ADAM9: variants seen among roughly 807,000 people sequenced by gnomAD.
ADAM9 encodes ADAM metallopeptidase domain 9.
A neutral mutation model predicts 108.1 loss-of-function variants in ADAM9; 54 were observed. The ratio of observed to expected loss-of-function variants is 0.50; its 90% CI spans 0.40 to 0.63. The LOEUF (loss-of-function observed/expected upper bound fraction) is 0.63. Ranked by LOEUF, ADAM9 falls within the 20% of genes least tolerant of loss-of-function variation. The pLI is 0.00. For missense variants in ADAM9, 830 were observed against 997.7 expected, an observed-to-expected ratio of 0.83 and a Z score of 2.26; for synonymous variants, 316 against 336.0, an observed-to-expected ratio of 0.94 and a Z score of 0.65.
chr8:39,003,147 A>T (rs957004659), intron 1 of ADAM9, among the ~76,000 whole-genome samples: 4 of 152,248 alleles, frequency 2.6e-5, no homozygotes, highest in Non-Finnish European at 5.9e-5. Flanking sequence ...TTTCAAAATG[A>T]GAATTGTGTT....
intron 9 of ADAM9, among the ~76,000 whole-genome samples, chr8:39,024,517 G>A (rs1836858974): frequency 6.6e-6 from 1 of 152,188 alleles, no homozygotes; most frequent in Admixed American, 6.5e-5. Flanking sequence ...TTGAGTCCAT[G>A]AGTGCATTTT....
At chr8:39,054,602 G>GAAA (rs755442483) in intron 13 of ADAM9, 29 bp downstream of exon 13, 3,434 of 941,796 alleles carry the variant, frequency 3.6e-3, no homozygotes, top group East Asian at 7.2e-3. Flanking sequence ...TTGGAAACAG[G>GAAA]AAAAAAAAAA....
chr8:39,051,927 A>G (rs1258459590), intron 12 of ADAM9, among the ~76,000 whole-genome samples: 3 of 152,206 alleles, frequency 2.0e-5, no homozygotes, highest in African/African-American at 7.2e-5. Context: ...ATGTGTATAT[A>G]TACAAACATA....
At chr8:39,082,931 C>T in intron 17 of ADAM9, 37 bp from the exon 18 acceptor site, 1 of 1,558,694 alleles carries the variant, frequency 6.4e-7, no homozygotes, top group Non-Finnish European at 8.8e-7. Flanking sequence ...GAGCAACATT[C>T]ACAATTAACA....
intron 1 of ADAM9, 51 bp downstream of exon 1, chr8:38,997,211 G>A (rs1434352329): frequency 6.5e-7 from 1 of 1,549,204 alleles, no homozygotes; most frequent in Admixed American, 1.9e-5. Context: ...CTAGGGACGG[G>A]GCGCTCGGAG....
rs181909260 is a variant in ADAM9 at position 39,052,532 on chromosome 8, A to G, written c.1303-1949A>G. Among the ~76,000 whole-genome samples, 111 of 151,700 alleles carry G rather than the reference A, an allele frequency of 7.3e-4. 2 individuals are homozygous for G. Among genetic ancestry groups the G allele is most frequent in the Non-Finnish European group, 2.2e-4 (15 of 67,962 alleles). On this transcript the variant is annotated intron_variant, in intron 12 of 21. Coordinates refer to ENST00000487273, the MANE Select transcript of ADAM9 (RefSeq NM_003816.3). The stretch of plus-strand genomic sequence containing the variant: ...TCTTGACCTGGTTTTTAGTATTCCT[A>G]TATATAGATCATCATCATAGCCCCT...
intron 10 of ADAM9, 139 bp from the exon 11 acceptor site, chr8:39,026,538 C>A: frequency 9.7e-7 from 1 of 1,034,916 alleles, no homozygotes; most frequent in Non-Finnish European, 1.5e-6. Flanking sequence ...TGTATAAAGA[C>A]TGTTGTTGGA....
chr8:39,038,433 G>C (rs563951834), intron 11 of ADAM9, among the ~76,000 whole-genome samples: 2 of 152,088 alleles, frequency 1.3e-5, no homozygotes, highest in East Asian at 1.9e-4. Flanking sequence ...TGATTGAACT[G>C]TCACATATTT....
chr8:39,064,934 C>G (rs181581443), intron 14 of ADAM9, among the ~76,000 whole-genome samples: 49 of 152,242 alleles, frequency 3.2e-4, no homozygotes, highest in African/African-American at 8.9e-4. Context: ...CCTAGCTTTT[C>G]CCTCACCCCC....
Position 39,071,319 on chromosome 8 carries a change from A to G in ADAM9, c.1613A>G (p.Asp538Gly). ...FGSKAKAAPK[D>G]CFIEVNSKGD... is the part of the protein sequence containing the mutation. ...ACAGAAGCCAAGGCTGCCCCCAAAG[A>G]TTGTTTCATTGAAGTGAATTCTAAA... The change falls in exon 15 of 22, where the codon GAT becomes GGT. Residue 538 changes from aspartate (D) to glycine (G), a missense_variant. Physicochemically the swap from Asp to Gly is moderately conservative, Grantham distance 94. Coordinates refer to ENST00000487273, the MANE Select transcript of ADAM9 (RefSeq NM_003816.3). 1 of 1,614,046 alleles carries G rather than the reference A, an allele frequency of 6.2e-7. No homozygotes were observed. The highest frequency in any genetic ancestry group is 8.5e-7 in the Non-Finnish European group (1 of 1,179,994).
At chr8:39,067,886 A>T (rs1838537860) in intron 14 of ADAM9, among the ~76,000 whole-genome samples, 1 of 152,180 alleles carries the variant, frequency 6.6e-6, no homozygotes, top group South Asian at 2.1e-4. Flanking sequence ...TGGGTTTGTC[A>T]TAAATGGCTC....
chr8:39,005,421 A>G (rs1836130691), intron 1 of ADAM9, among the ~76,000 whole-genome samples: 1 of 152,250 alleles, frequency 6.6e-6, no homozygotes, highest in Non-Finnish European at 1.5e-5. Context: ...AATATATTTC[A>G]TGACAGTATA....
chr8:39,023,350 A>G (rs371134665), intron 9 of ADAM9, 25 bp downstream of exon 9: 1 of 1,584,100 alleles, frequency 6.3e-7, no homozygotes, highest in Non-Finnish European at 8.6e-7. Flanking sequence ...TTTAAGTACT[A>G]TTAATGAAAT....
At chr8:39,050,830 G>GTTTTTTTTTTTTTTTTTTTTTT in intron 12 of ADAM9, among the ~76,000 whole-genome samples, 1 of 85,190 alleles carries the variant, frequency 1.2e-5, no homozygotes, top group Non-Finnish European at 2.2e-5. Context: ...GCTTGGAAGT[G>GTTTTTTTTTTTTTTTTTTTTTT]TTTTTTTTTT....
intron 14 of ADAM9, among the ~76,000 whole-genome samples, chr8:39,066,130 T>G (rs112392635): frequency 0.017 from 2,518 of 152,314 alleles, 34 homozygotes; most frequent in South Asian, 0.038. Flanking sequence ...ATGTGCCACG[T>G]TTTCTTAATC....
intron 15 of ADAM9, among the ~76,000 whole-genome samples, chr8:39,072,676 T>TAC (rs1838734420): frequency 6.6e-6 from 1 of 152,220 alleles, no homozygotes; most frequent in African/African-American, 2.4e-5. Context: ...TTTCCCCCTC[T>TAC]CAGCCTGCTC....
intron 15 of ADAM9, among the ~76,000 whole-genome samples, chr8:39,073,458 G>A (rs1838760075): frequency 6.6e-6 from 1 of 152,148 alleles, no homozygotes; most frequent in South Asian, 2.1e-4. Flanking sequence ...TGAAGTATTT[G>A]TCAGTTTCAT....
chr8:39,055,991 T>C (rs1349958974), intron 14 of ADAM9, among the ~76,000 whole-genome samples: 3 of 152,160 alleles, frequency 2.0e-5, no homozygotes, highest in African/African-American at 7.2e-5. Flanking sequence ...TTATATTTTG[T>C]GTATCACGCA....
chr8:39,071,876 G>T (rs1255879390), intron 15 of ADAM9, among the ~76,000 whole-genome samples: 2 of 152,154 alleles, frequency 1.3e-5, no homozygotes, highest in African/African-American at 4.8e-5. Flanking sequence ...TCTGGTGTTA[G>T]GAAAAGAACT....
Sources: gnomAD v4.1 joint callset for allele counts (sites outside exome capture counted in the v4.1 genomes callset) on GRCh38, gnomAD v4.1.1 for gene constraint, MANE v1.5 for transcripts, NCBI Gene and HGNC (gene_info 2026-07-23, HGNC 2026-07-21) for gene names.